SLC24A2: variants seen among roughly 807,000 people sequenced by gnomAD.
SLC24A2 encodes the protein sodium/potassium/calcium exchanger 2.
In SLC24A2, 36 loss-of-function variants were observed where a neutral mutation model predicts 62.0. The ratio of observed to expected loss-of-function variants is 0.58; its 90% CI spans 0.44 to 0.77. The LOEUF is 0.77. Among genes scored for constraint, SLC24A2 ranks in the 30% least tolerant of loss-of-function variants. SLC24A2 has a pLI of 0.00. For synonymous variants in SLC24A2, 358 were observed against 294.0 expected, an observed-to-expected ratio of 1.22 and a Z score of -2.23; for missense variants, 846 against 817.9, an observed-to-expected ratio of 1.03 and a Z score of -0.42.
chr9:19,765,437 G>A (rs1436263886), intron 2 of SLC24A2, among the ~76,000 whole-genome samples: 1 of 152,188 alleles, frequency 6.6e-6, no homozygotes, highest in Non-Finnish European at 1.5e-5. Flanking sequence ...GCTGGTACCT[G>A]ATTTTCCTTT....
chr9:20,278,305 T>G, the SLC24A2 span, among the ~76,000 whole-genome samples: 1 of 152,196 alleles, frequency 6.6e-6, no homozygotes, highest in Non-Finnish European at 1.5e-5. Context: ...GCAAAATTTT[T>G]GAACTCTTAT....
chr9:19,744,687 T>TA (rs751408882), intron 2 of SLC24A2, among the ~76,000 whole-genome samples: 1 of 152,318 alleles, frequency 6.6e-6, no homozygotes, highest in Admixed American at 6.5e-5. Flanking sequence ...GACTACAATT[T>TA]AAAAAATTGA....
chr9:20,234,791 G>A, the SLC24A2 span, among the ~76,000 whole-genome samples: 7 of 152,338 alleles, frequency 4.6e-5, no homozygotes, highest in South Asian at 1.5e-3. Context: ...CTTTGGAGGA[G>A]GAGAGGCGCT....
the SLC24A2 span, among the ~76,000 whole-genome samples, chr9:19,977,113 T>TTGTGTGTGTGTG: frequency 6.3e-3 from 910 of 145,308 alleles, 7 homozygotes; most frequent in South Asian, 0.023. Flanking sequence ...ATTTCTATAT[T>TTGTGTGTGTGTG]TGTGTGTGTG....
At chr9:19,609,632 T>A (rs944750482) in intron 4 of SLC24A2, among the ~76,000 whole-genome samples, 3 of 152,212 alleles carry the variant, frequency 2.0e-5, no homozygotes, top group African/African-American at 7.2e-5. Flanking sequence ...ATATTTCTTT[T>A]GGGTTAATCT....
At chr9:20,059,443 C>T in the SLC24A2 span, among the ~76,000 whole-genome samples, 1 of 152,044 alleles carries the variant, frequency 6.6e-6, no homozygotes, top group African/African-American at 2.4e-5. Context: ...TGAAATCTTA[C>T]AAAATATCTT....
At chr9:19,782,357 C>G (rs1375744933) in intron 2 of SLC24A2, among the ~76,000 whole-genome samples, 1 of 152,146 alleles carries the variant, frequency 6.6e-6, no homozygotes, top group Non-Finnish European at 1.5e-5. Context: ...AATAAAAATA[C>G]CCCAAAAGCA....
chr9:19,761,467 T>TTTTTATTTTA (rs144919709), intron 2 of SLC24A2, among the ~76,000 whole-genome samples: 112 of 150,300 alleles, frequency 7.5e-4, no homozygotes, highest in South Asian at 1.3e-3. Context: ...TTTTTTAATT[T>TTTTTATTTTA]TTTTATTTTA....
the SLC24A2 span, among the ~76,000 whole-genome samples, chr9:19,817,890 C>A: frequency 1.3e-5 from 2 of 152,012 alleles, no homozygotes; most frequent in Admixed American, 1.3e-4. Context: ...CACCCTACTA[C>A]ATCCAGCTAA....
chr9:19,573,348 T>C lies in SLC24A2; in HGVS notation c.1347+3A>G, dbSNP rs1358404288. The C allele has an allele frequency of 1.9e-6, 3 of 1,585,260 alleles. No individual in the cohort carries two copies. The African/African-American group carries it at 4.0e-5, about 21-fold the overall frequency. ...CCAGAAGAGCAATGGAGAAAAGCCA[T>C]ACCTGGGCTTCTGCACCTTCAATGT... is the stretch of plus-strand genomic sequence containing the variant. On this transcript the variant is annotated splice_donor_region_variant and intron_variant, in intron 7 of 10. Transcript: ENST00000341998.
the SLC24A2 span, among the ~76,000 whole-genome samples, chr9:19,935,027 T>A: frequency 5.9e-5 from 9 of 151,862 alleles, no homozygotes; most frequent in Non-Finnish European, 1.3e-4. Flanking sequence ...CTACCACTTA[T>A]TTTTATTTTA....
At chr9:19,803,503 G>C in the SLC24A2 span, among the ~76,000 whole-genome samples, 1 of 152,166 alleles carries the variant, frequency 6.6e-6, no homozygotes, top group Non-Finnish European at 1.5e-5. Flanking sequence ...ACGTTAGGGA[G>C]AAAGTCTGGA....
the SLC24A2 span, among the ~76,000 whole-genome samples, chr9:20,210,375 A>C: frequency 6.6e-6 from 1 of 152,246 alleles, no homozygotes; most frequent in East Asian, 1.9e-4. Flanking sequence ...AAAATGTGTC[A>C]GGTGGTAGAA....
At chr9:19,602,296 G>C (rs1290148979) in intron 4 of SLC24A2, among the ~76,000 whole-genome samples, 4 of 152,194 alleles carry the variant, frequency 2.6e-5, no homozygotes, top group African/African-American at 7.2e-5. Flanking sequence ...ATCATTCTAT[G>C]ATTGGGCCAA....
At chr9:19,583,731 C>A (rs1836277866) in intron 5 of SLC24A2, among the ~76,000 whole-genome samples, 1 of 152,042 alleles carries the variant, frequency 6.6e-6, no homozygotes, top group African/African-American at 2.4e-5. Context: ...ATGGGGTGTA[C>A]CAGGTGTTTA....
the SLC24A2 span, among the ~76,000 whole-genome samples, chr9:19,834,376 T>A: frequency 0.021 from 3,162 of 152,062 alleles, 34 homozygotes; most frequent in Middle Eastern, 0.037. Context: ...AGAGAAGTCC[T>A]TAAAGGACCT....
chr9:20,017,822 C>G, the SLC24A2 span, among the ~76,000 whole-genome samples: 2 of 152,214 alleles, frequency 1.3e-5, no homozygotes, highest in Non-Finnish European at 2.9e-5. Context: ...TTCATGTTGG[C>G]AGCTGATTAG....
At chr9:20,115,493 T>C in the SLC24A2 span, among the ~76,000 whole-genome samples, 2 of 152,070 alleles carry the variant, frequency 1.3e-5, no homozygotes, top group Non-Finnish European at 2.9e-5. Context: ...TTCCTTTAAT[T>C]CAAAGTACCC....
chr9:20,148,034 T>C, the SLC24A2 span, among the ~76,000 whole-genome samples: 1 of 152,082 alleles, frequency 6.6e-6, no homozygotes, highest in African/African-American at 2.4e-5. Flanking sequence ...TCCTGTGTTC[T>C]AGAGTCAGAT....
Sources: allele counts gnomAD v4.1 joint callset (sites outside exome capture counted in the v4.1 genomes callset), GRCh38; gene constraint gnomAD v4.1.1; transcripts MANE v1.5; gene names NCBI Gene and HGNC (gene_info 2026-07-23, HGNC 2026-07-21).